The following CFAP65 variants were observed in gnomAD, a reference collection of about 807,000 sequenced individuals.
CFAP65 encodes cilia and flagella associated protein 65.
CFAP65 carries 155 observed loss-of-function variants against 208.0 expected under a neutral mutation model. The ratio of observed to expected loss-of-function variants is 0.75; its 90% CI spans 0.65 to 0.85. The LOEUF (loss-of-function observed/expected upper bound fraction) is 0.85. Ranked by LOEUF, CFAP65 falls within the 40% of genes least tolerant of loss-of-function variation. CFAP65 has a pLI of 0.00. For synonymous variants in CFAP65, 970 were observed against 986.3 expected (o/e 0.98, Z 0.31); for missense variants, 2,294 against 2,451.3 (o/e 0.94, Z 1.36).
intron 5 of CFAP65, 104 bp downstream of exon 5, chr2:219,035,376 G>A (rs754213049): frequency 3.7e-6 from 6 of 1,600,992 alleles, no homozygotes; most frequent in Non-Finnish European, 5.1e-6. Flanking sequence ...GCTTTTATAT[G>A]GCATGTTAAA....
chr2:219,010,514 G>T (rs1266439873), intron 26 of CFAP65, 32 bp downstream of exon 26: 1 of 1,596,036 alleles, frequency 6.3e-7, no homozygotes. Flanking sequence ...CTCCCACAAG[G>T]CCTCAGGCCT....
Position 219,009,051 on chromosome 2 carries a change from A to G in CFAP65, c.4670T>C (p.Val1557Ala). ...GATCTACTCAGCCCTCCTCACCTTC[A>G]CTTTCATGTCGGTGATGGTGAACTC... ...EVEFTITDMK[V>A]KKRTCCTACE... The change falls in exon 29 of 35, where the codon GTG becomes GCG. Residue 1557 changes from valine (V) to alanine (A), a missense_variant. By Grantham distance (64) the Val-to-Ala change is moderately conservative. Around this residue, in one of 2 missense-constraint regions of CFAP65, gnomAD observed 1,427 missense variants for 1,438.7 expected, o/e 0.99. Coordinates refer to ENST00000341552, the MANE Select transcript of CFAP65 (RefSeq NM_194302.4). 6.2e-7 allele frequency: 1 copy of G among 1,611,560 alleles called. No homozygotes were observed. Among genetic ancestry groups the G allele is most frequent in the Non-Finnish European group, 8.5e-7 (1 of 1,178,838 alleles).
Position 219,006,045 on chromosome 2 carries a change from T to C in CFAP65, c.4898A>G (p.Glu1633Gly), listed in dbSNP as rs768276384. The C allele has an allele frequency of 6.2e-7, 1 of 1,613,172 alleles. No individual in the cohort carries two copies. The highest frequency in any genetic ancestry group is 1.1e-5 in the South Asian group (1 of 91,074). Residue 1633 changes from glutamate (E) to glycine (G), a missense_variant, in exon 31 of 35, where the codon GAG (glutamate) becomes GGG (glycine). Transcript: ENST00000341552. ...CCGGTGCAAAAAGTGGCAGGGAAAC[T>C]CTGAGAAGAAGTTAGCCAGAAAGTA... is the stretch of plus-strand genomic sequence containing the variant. ...TDYFLANFFS[E>G]FPCHFLHREL...
chr2:219,026,169 G>A lies in CFAP65; in HGVS notation c.2212-10C>T, dbSNP rs779663887. 6.2e-7 allele frequency: 1 copy of A among 1,602,506 alleles called. No homozygotes were observed. Among genetic ancestry groups the A allele is most frequent in the East Asian group, 2.2e-5 (1 of 44,526 alleles). Reference sequence around the variant, plus strand: ...TGTAGCTCTGCAGGACCTGCAGAGGGGCCAGACCCACGGAAAAGCTCAGAG... The same window carrying A: ...TGTAGCTCTGCAGGACCTGCAGAGGAGCCAGACCCACGGAAAAGCTCAGAG... On this transcript the variant is annotated splice_polypyrimidine_tract_variant and intron_variant, in intron 13 of 34. Coordinates refer to ENST00000341552, the MANE Select transcript of CFAP65 (RefSeq NM_194302.4).
chr2:219,031,716 A>G lies in CFAP65; in HGVS notation c.646-58T>C. ...CATCAGTGGCATTCAGGGACTGCACATCCCGCCCACCCTCAGCCACCCCCA... is the reference window on the plus strand; with the variant it reads ...CATCAGTGGCATTCAGGGACTGCACGTCCCGCCCACCCTCAGCCACCCCCA... On this transcript the variant is annotated intron_variant, in intron 6 of 34. Transcript: ENST00000341552. This position sits in a 1 kb window ranked among gnomAD's most constrained non-coding sequence, Gnocchi z 5.2. 1 of 1,542,702 alleles carries G rather than the reference A, an allele frequency of 6.5e-7. No individual in the cohort carries two copies. Among genetic ancestry groups the G allele is most frequent in the Non-Finnish European group, 8.8e-7 (1 of 1,141,258 alleles).
At position 219,032,453 on chromosome 2, in the gene CFAP65, G is replaced by T. The variant is rs752254844; in HGVS notation, c.645+17C>A. The T allele has an allele frequency of 1.9e-6, 3 of 1,566,720 alleles. No individual in the cohort carries two copies. The highest frequency in any genetic ancestry group is 1.4e-5 in the African/African-American group (1 of 73,892). ...CCCAGGTACCTCCCTGCCCTCACTC[G>T]CTGTGGCAGACCTTACCGCCTCCAG... On this transcript the variant is annotated intron_variant, in intron 6 of 34. Transcript: ENST00000341552. This position sits in a 1 kb window ranked among gnomAD's most constrained non-coding sequence, Gnocchi z 5.5.
In CFAP65 at chr2:219,019,556, C is replaced by T. The variant is rs779758945; in HGVS notation, c.3423G>A (p.Glu1141=). The T allele has an allele frequency of 6.2e-6, 10 of 1,613,520 alleles. No individual in the cohort carries two copies. In the South Asian group the frequency reaches 7.7e-5, roughly 12 times the overall value. The part of the protein sequence containing the change: ...FSLDLLNSYL[E]RDPTPCELTY... ...TGAGCTCACAGGGGGTGGGGTCACG[C>T]TCCAAGTAACTGTTAAGCAGGTCCA... The change falls in exon 20 of 35, where the codon GAG becomes GAA. Residue 1141 remains glutamate (E), a synonymous_variant. Coordinates refer to ENST00000341552, the MANE Select transcript of CFAP65 (RefSeq NM_194302.4).
rs1945757333 is a variant in CFAP65, at chr2:219,003,960, G to A, written c.5547C>T (p.Ala1849=). 2 of 1,610,278 alleles carry A rather than the reference G, an allele frequency of 1.2e-6. No homozygotes were observed. Among genetic ancestry groups the A allele is most frequent in the South Asian group, 2.2e-5 (2 of 90,614 alleles). The part of the protein sequence containing the change: ...KEEQEQDEKE[A]IRRLPAFANL... ...GGGGCCTGGCTGCTCACCTTCTGATGGCCTCCTTCTCGTCCTGTTCTTGCT... is the reference window on the plus strand; with the variant it reads ...GGGGCCTGGCTGCTCACCTTCTGATAGCCTCCTTCTCGTCCTGTTCTTGCT... The change falls in exon 33 of 35, where the codon GCC becomes GCT. Residue 1849 remains alanine, a synonymous_variant. Transcript: ENST00000341552. This position sits in a 1 kb window ranked among gnomAD's most constrained non-coding sequence, Gnocchi z 4.4.
Position 219,013,956 on chromosome 2 carries a change from G to T in CFAP65, c.3691C>A (p.Arg1231Ser), listed in dbSNP as rs372555974. Residue 1231 changes from arginine (R) to serine (S), a missense_variant, in exon 22 of 35, where the codon CGC becomes AGC. By Grantham distance (110) the Arg-to-Ser change is moderately radical. Transcript: ENST00000341552. ...ELNSTELHQM[R>S]VQDNCLFSIS... ...GAGAAGAGGCAATTGTCCTGCACGC[G>T]CATCTGGTGGAGCTCAGTGGAATTC... 2.5e-6 allele frequency: 4 copies of T among 1,613,342 alleles called. No individual in the cohort carries two copies. The South Asian group carries it at 4.4e-5, about 18-fold the overall frequency.
At chr2:219,028,129 T>C (rs1338009369) in intron 12 of CFAP65, 72 bp downstream of exon 12, 6 of 1,577,470 alleles carry the variant, frequency 3.8e-6, no homozygotes, top group Non-Finnish European at 5.2e-6. Context: ...ATGGTGCCCA[T>C]GGGACCCTGG....
rs1312768970 is a variant in CFAP65 at position 219,005,888 on chromosome 2, C to T, written c.4922+133G>A. 2.4e-5 allele frequency: 22 copies of T among 929,336 alleles called. 1 individual carries two copies. Among genetic ancestry groups the T allele is most frequent in the South Asian group, 5.0e-5 (3 of 60,420 alleles). The allele number at this position is 929,336 out of a possible 1,614,324, so 57.6% of individuals were successfully genotyped here. A position where few individuals can be genotyped will look rare whatever the true frequency, so the allele number is the denominator to read the frequency against. ...TAATGGGGCATCCTGGGCCCAGAGG[C>T]GCTCAATGAGCCCCACTGCTGCTGC... On this transcript the variant is annotated intron_variant, in intron 31 of 34. Coordinates refer to ENST00000341552, the MANE Select transcript of CFAP65 (RefSeq NM_194302.4).
chr2:219,035,816 C>T, intron 4 of CFAP65, 152 bp from the exon 5 acceptor site: 2 of 1,410,666 alleles, frequency 1.4e-6, no homozygotes, highest in Non-Finnish European at 1.9e-6. Flanking sequence ...CCCCTCACCC[C>T]TTGGGGATGG....
At chr2:219,027,245 G>A in intron 13 of CFAP65, 1 of 1,359,224 alleles carries the variant, frequency 7.4e-7, no homozygotes, top group Non-Finnish European at 9.4e-7. Context: ...ATTATCTGGT[G>A]CTGCTGACTT....
chr2:219,017,773 C>A (rs1947004845), intron 21 of CFAP65, among the ~76,000 whole-genome samples: 1 of 152,236 alleles, frequency 6.6e-6, no homozygotes, highest in South Asian at 2.1e-4. Flanking sequence ...TTTTCTGCCC[C>A]CAACCCTCTC....
In CFAP65 at chr2:219,022,265, AC is replaced by A; in HGVS notation, c.2884del (p.Val962SerfsTer45). 3 of 1,607,932 alleles carry A rather than the reference AC, an allele frequency of 1.9e-6. No homozygotes were observed. The highest frequency in any genetic ancestry group is 2.5e-6 in the Non-Finnish European group (3 of 1,177,466). ...ATTTGGGGACAGGCCGGCTTCCCAG[AC>A]CCACATCCCCACTTGGAACAGGTAC... ...TKYLFQVGMWVWEAGLSPNAN... is the reference protein window; with the variant it reads ...TKYLFQVGMWXWEAGLSPNAN... On this transcript the variant is annotated frameshift_variant, in exon 17 of 35. Coordinates refer to ENST00000341552, the MANE Select transcript of CFAP65 (RefSeq NM_194302.4). LOFTEE classifies it high-confidence loss of function.
In CFAP65 at chr2:219,004,899, A is replaced by G. The variant is rs1304501112; in HGVS notation, c.5052-444T>C. ...CTTTTTTTCTTTTCTCTCTCTCTCT[A>G]TTTCTCTCTTTCTTTCTCTCTCTTT... is the stretch of plus-strand genomic sequence containing the variant. On this transcript the variant is annotated intron_variant, in intron 32 of 34. Transcript: ENST00000341552. The surrounding 1 kb of genome is among the most constrained non-coding windows in gnomAD (Gnocchi z 4.7). Among the ~76,000 whole-genome samples, 1 of 128,278 alleles carries G rather than the reference A, an allele frequency of 7.8e-6. No individual in the cohort carries two copies. The highest frequency in any genetic ancestry group is 3.3e-5 in the African/African-American group (1 of 30,376). The allele number at this position is 128,278 out of a possible 152,430, so 84.2% of individuals were successfully genotyped here. A position where few individuals can be genotyped will look rare whatever the true frequency, so the allele number is the denominator to read the frequency against.
chr2:219,027,035 C>A, intron 13 of CFAP65: 1 of 1,004,722 alleles, frequency 1.0e-6, no homozygotes, highest in Non-Finnish European at 1.2e-6. Flanking sequence ...ACCGCACAGC[C>A]CTACTTTTCT....
At chr2:219,027,110 A>T (rs1460106761) in intron 13 of CFAP65, 2 of 1,065,038 alleles carry the variant, frequency 1.9e-6, no homozygotes, top group African/African-American at 3.3e-5. Flanking sequence ...GAAGGAAGGG[A>T]TGGGCAGGAC....
At chr2:219,022,399 C>T in intron 16 of CFAP65, 70 bp from the exon 17 acceptor site, 1 of 1,528,236 alleles carries the variant, frequency 6.5e-7, no homozygotes, top group Non-Finnish European at 8.9e-7. Context: ...CCATCCGAGG[C>T]CCCATGGCAG....
Sources: allele counts gnomAD v4.1 joint callset (sites outside exome capture counted in the v4.1 genomes callset), GRCh38; gene constraint gnomAD v4.1.1; regional missense constraint gnomAD v4.1.1; non-coding constraint Gnocchi (gnomAD v3.1); transcripts MANE v1.5; gene names NCBI Gene and HGNC (gene_info 2026-07-23, HGNC 2026-07-21).